Variants in IFI27 observed in about 807,000 individuals in gnomAD.
IFI27 encodes interferon alpha-inducible protein 27, mitochondrial.
IFI27 carries 3 observed loss-of-function variants against 8.9 expected under a neutral mutation model. The observed-to-expected ratio is 0.34, with a 90% CI of 0.15 to 0.87. IFI27 has a LOEUF of 0.87. IFI27 is among the 40% of genes least tolerant of loss of function. The pLI, the probability that IFI27 is intolerant of heterozygous loss-of-function variation, is 0.51. For synonymous variants in IFI27, 66 were observed against 67.3 expected (o/e 0.98, Z 0.09); for missense variants, 152 against 157.7 (o/e 0.96, Z 0.19).
rs1337108026 is a variant in IFI27, at chr14:94,111,322, C to T, written c.-58-303C>T. 2.6e-5 allele frequency among the ~76,000 whole-genome samples: 4 copies of T among 152,146 alleles called. No homozygotes were observed. Among genetic ancestry groups the T allele is most frequent in the South Asian group, 2.1e-4 (1 of 4,828 alleles). On this transcript the variant is annotated intron_variant, in intron 1 of 4. Transcript: ENST00000621160. The surrounding 1 kb of genome is among the most constrained non-coding windows in gnomAD (Gnocchi z 4.3). Reference sequence around the variant, plus strand: ...AGTTTTGGTGCTTTTTCAATTGCTCCGTGGAGAGATAAGGGAGTCCCGGAA... The same window carrying T: ...AGTTTTGGTGCTTTTTCAATTGCTCTGTGGAGAGATAAGGGAGTCCCGGAA...
intron 2 of IFI27, among the ~76,000 whole-genome samples, chr14:94,112,355 T>G (rs1249145701): frequency 6.6e-6 from 1 of 152,244 alleles, no homozygotes; most frequent in Non-Finnish European, 1.5e-5. Flanking sequence ...TATTGTGTTT[T>G]GTTTGCGGGC....
Position 94,111,933 on chromosome 14 carries a change from T to C in IFI27, c.91+160T>C. The C allele has an allele frequency of 1.5e-6, 1 of 672,224 alleles. No individual in the cohort carries two copies. Among genetic ancestry groups the C allele is most frequent in the Admixed American group, 2.2e-5 (1 of 46,500 alleles). 41.6% of individuals were successfully genotyped at this position (672,224 alleles called of 1,614,324 possible). A position where few individuals can be genotyped will look rare whatever the true frequency, so the allele number is the denominator to read the frequency against. On this transcript the variant is annotated intron_variant, in intron 2 of 4. Coordinates refer to ENST00000621160, the Ensembl canonical transcript of IFI27. The surrounding 1 kb of genome is among the most constrained non-coding windows in gnomAD (Gnocchi z 4.3). ...CAGGCGTCCACCCTAACTTTCCATC[T>C]GGGAGGGGGCCCGGGGCAGGCAGAC... is the stretch of plus-strand genomic sequence containing the variant.
In IFI27 at chr14:94,115,926, T is replaced by TA. The variant is rs1887388462; in HGVS notation, c.268dup (p.Thr90AsnfsTer56). 3.2e-6 allele frequency: 5 copies of TA among 1,582,174 alleles called. No individual in the cohort carries two copies. In the Admixed American group the frequency reaches 9.1e-5, roughly 29 times the overall value. On this transcript the variant is annotated frameshift_variant, in exon 4 of 5. Coordinates refer to ENST00000621160, the Ensembl canonical transcript of IFI27. LOFTEE classifies it low-confidence loss of function (END_TRUNC). ...GAGTTGCCTCGGGCAGCCTTGTGGC[T>TA]ACTCTGCAGTCACTGGGTAAGTATC...
At position 94,116,187 on chromosome 14, in the gene IFI27, C is replaced by G; in HGVS notation, c.283+245C>G. The G allele has an allele frequency of 1.4e-6, 1 of 698,572 alleles. No homozygotes were observed. Among genetic ancestry groups the G allele is most frequent in the Non-Finnish European group, 2.6e-6 (1 of 386,720 alleles). The allele number at this position is 698,572 out of a possible 1,614,324, so 43.3% of individuals were successfully genotyped here. The stretch of plus-strand genomic sequence containing the variant: ...TGGGTTACCTGGGGCGTCTCCTCCC[C>G]TCTGGGGTGCAGCCTCCTTCCCTGA... On this transcript the variant is annotated intron_variant, in intron 4 of 4. Transcript: ENST00000621160. The surrounding 1 kb of genome is among the most constrained non-coding windows in gnomAD (Gnocchi z 4.3).
chr14:94,116,470 G>A lies in IFI27; in HGVS notation c.312G>A (p.Lys104=). Residue 104 remains lysine, a synonymous_variant, in exon 5 of 5, where the codon AAG becomes AAA. Coordinates refer to ENST00000621160, the Ensembl canonical transcript of IFI27. This position sits in a 1 kb window ranked among gnomAD's most constrained non-coding sequence, Gnocchi z 4.3. ...CAACTGGACTCTCCGGATTGACCAAGTTCATCCTGGGCTCCATTGGGTCTG... is the reference window on the plus strand; with the variant it reads ...CAACTGGACTCTCCGGATTGACCAAATTCATCCTGGGCTCCATTGGGTCTG... 2 of 1,613,500 alleles carry A rather than the reference G, an allele frequency of 1.2e-6. No homozygotes were observed. Among genetic ancestry groups the A allele is most frequent in the Non-Finnish European group, 1.7e-6 (2 of 1,179,818 alleles).
chr14:94,113,137 G>C (rs1887255389), intron 2 of IFI27: 1 of 152,204 alleles, frequency 6.6e-6, no homozygotes, highest in African/African-American at 2.4e-5. Flanking sequence ...AAGTGCTCTG[G>C]GCAGGACAGA....
At chr14:94,110,486 G>A (rs74077216), upstream of IFI27, among the ~76,000 whole-genome samples, 2,273 of 152,218 alleles carry the variant, frequency 0.015, 20 homozygotes, top group African/African-American at 0.023. Flanking sequence ...TTCATTCTGC[G>A]TAGAGCACAC....
At chr14:94,115,797 T>C (rs199976202) in exon 4 of IFI27, 6 of 1,583,248 alleles carry the variant, frequency 3.8e-6, no homozygotes, top group Non-Finnish European at 5.2e-6. Flanking sequence ...CCATGGCGGC[T>C]GTGCCCATGG....
At chr14:94,115,874 C>A in exon 4 of IFI27, 1 of 1,600,384 alleles carries the variant, frequency 6.2e-7, no homozygotes, top group Admixed American at 1.7e-5. Flanking sequence ...AAGATGATGT[C>A]CGCGGCGGCC....
At position 94,116,002 on chromosome 14, in the gene IFI27, AC is replaced by A; in HGVS notation, c.283+63del. 6.8e-7 allele frequency: 1 copy of A among 1,471,242 alleles called. No homozygotes were observed. Among genetic ancestry groups the A allele is most frequent in the Middle Eastern group, 1.7e-4 (1 of 5,878 alleles). The allele number at this position is 1,471,242 out of a possible 1,614,324, so 91.1% of individuals were successfully genotyped here. Reference sequence around the variant, plus strand: ...ATGAGGAGGGCAAGAGCCTCCAAGGACCCAGTCCCAATCTCAACCCTATGAA... The same window carrying A: ...ATGAGGAGGGCAAGAGCCTCCAAGGACCAGTCCCAATCTCAACCCTATGAA... On this transcript the variant is annotated intron_variant, in intron 4 of 4. Coordinates refer to ENST00000621160, the Ensembl canonical transcript of IFI27. The surrounding 1 kb of genome is among the most constrained non-coding windows in gnomAD (Gnocchi z 4.3).
intron 2 of IFI27, among the ~76,000 whole-genome samples, chr14:94,112,541 C>T (rs1008667477): frequency 2.6e-5 from 4 of 152,216 alleles, no homozygotes; most frequent in Non-Finnish European, 2.9e-5. Flanking sequence ...TTTCTGTCTC[C>T]GTGGGTGGAC....
upstream of IFI27, among the ~76,000 whole-genome samples, chr14:94,108,952 A>G (rs1017302254): frequency 6.6e-6 from 1 of 152,208 alleles, no homozygotes; most frequent in African/African-American, 2.4e-5. Flanking sequence ...GGAAAGTTCA[A>G]TGCAATTTGT....
upstream of IFI27, among the ~76,000 whole-genome samples, chr14:94,109,623 T>C (rs143659173): frequency 6.7e-4 from 102 of 152,316 alleles, no homozygotes; most frequent in African/African-American, 2.3e-3. Context: ...TCCCTGTGCT[T>C]CTAGCTGTCC....
intron 2 of IFI27, chr14:94,114,464 A>C: frequency 4.5e-6 from 1 of 221,608 alleles, no homozygotes; most frequent in Non-Finnish European, 9.0e-6. Context: ...TTTACTGGGA[A>C]TGGACATCAC....
At position 94,116,072 on chromosome 14, in the gene IFI27, A is replaced by G; in HGVS notation, c.283+130A>G. 1 of 1,041,982 alleles carries G rather than the reference A, an allele frequency of 9.6e-7. No homozygotes were observed. Among genetic ancestry groups the G allele is most frequent in the Non-Finnish European group, 1.4e-6 (1 of 694,468 alleles). 64.5% of individuals were successfully genotyped at this position (1,041,982 alleles called of 1,614,324 possible). On this transcript the variant is annotated intron_variant, in intron 4 of 4. Transcript: ENST00000621160. This position sits in a 1 kb window ranked among gnomAD's most constrained non-coding sequence, Gnocchi z 4.3. ...TCTGTCTCTCTCTACACATTCTCTC[A>G]GGGTTTCTCTGAGGGAGATGGAGGA...
upstream of IFI27, among the ~76,000 whole-genome samples, chr14:94,110,264 T>C (rs1887126396): frequency 6.6e-6 from 1 of 152,248 alleles, no homozygotes; most frequent in African/African-American, 2.4e-5. Flanking sequence ...GCTGGTAAAC[T>C]CTGTGAGGAT....
intron 2 of IFI27, chr14:94,113,536 A>G (rs1887271770): frequency 6.6e-6 from 1 of 152,114 alleles, no homozygotes; most frequent in African/African-American, 2.4e-5. Context: ...TAGAAGTAGG[A>G]AAAGGTTGGA....
chr14:94,110,173 C>T (rs975570731), upstream of IFI27, among the ~76,000 whole-genome samples: 1 of 152,236 alleles, frequency 6.6e-6, no homozygotes, highest in Non-Finnish European at 1.5e-5. Flanking sequence ...TAGGTCACTG[C>T]TTCACCTCCT....
At chr14:94,114,910 C>T in intron 3 of IFI27, 30 bp downstream of exon 3, 1 of 1,606,836 alleles carries the variant, frequency 6.2e-7, no homozygotes, top group African/African-American at 1.3e-5. Flanking sequence ...GCTCAAGTAA[C>T]CACCTGCCCC....
Sources: allele counts gnomAD v4.1 joint callset (sites outside exome capture counted in the v4.1 genomes callset), GRCh38; gene constraint gnomAD v4.1.1; non-coding constraint Gnocchi (gnomAD v3.1); transcripts MANE v1.5; gene names NCBI Gene and HGNC (gene_info 2026-07-23, HGNC 2026-07-21).